The following NME7 variants were observed in gnomAD, a reference collection of about 807,000 sequenced individuals.
NME7 encodes the protein NME/NM23 family member 7, also known as nucleoside diphosphate kinase 7.
A neutral mutation model predicts 49.1 loss-of-function variants in NME7; 41 were observed. The observed-to-expected ratio is 0.83, with a 90% confidence interval of 0.65 to 1.08. The LOEUF is 1.08. NME7 is among the 50% of genes least tolerant of loss of function. NME7 has a pLI of 0.00. For synonymous variants in NME7, 139 were observed against 150.6 expected, an observed-to-expected ratio of 0.92 and a Z score of 0.56; for missense variants, 423 against 463.4, an observed-to-expected ratio of 0.91 and a Z score of 0.80.
At chr1:169,175,246 T>G (rs1659718984) in intron 10 of NME7, among the ~76,000 whole-genome samples, 1 of 152,100 alleles carries the variant, frequency 6.6e-6, no homozygotes, top group Admixed American at 6.5e-5. Context: ...CTTGTCCCAC[T>G]GGAAGGTCTT....
chr1:169,140,327 T>C (rs191369501), intron 11 of NME7, among the ~76,000 whole-genome samples: 1 of 152,276 alleles, frequency 6.6e-6, no homozygotes, highest in East Asian at 1.9e-4. Flanking sequence ...GTTGGAAGAA[T>C]TGAGTTTTAT....
intron 7 of NME7, among the ~76,000 whole-genome samples, chr1:169,276,300 G>T (rs1203860610): frequency 7.5e-6 from 1 of 133,552 alleles, no homozygotes; most frequent in African/African-American, 2.5e-5. Context: ...CAATTCGGCT[G>T]TGAATCCATC....
intron 11 of NME7, among the ~76,000 whole-genome samples, chr1:169,151,159 AG>A (rs1658903110): frequency 3.6e-5 from 2 of 56,296 alleles, no homozygotes; most frequent in East Asian, 5.6e-3. Flanking sequence ...GAGGGGGCCC[AG>A]GCTGATGCCA....
rs540219040 is a variant in NME7, at chr1:169,190,852, G to A, written c.991-21298C>T. The A allele has an allele frequency of 2.3e-3, 211 of 92,054 alleles. 16 individuals carry two copies. Among genetic ancestry groups the A allele is most frequent in the African/African-American group, 0.013 (206 of 15,764 alleles). 5.7% of individuals were successfully genotyped at this position (92,054 alleles called of 1,614,324 possible). On this transcript the variant is annotated intron_variant, in intron 10 of 11. Coordinates refer to ENST00000367811, the MANE Select transcript of NME7 (RefSeq NM_013330.5). ...TTTTGAGACGGAGTCTCGCTCTGTCGCCCAGGCTGGAGTGCAGTGGCGGGA... is the reference window on the plus strand; with the variant it reads ...TTTTGAGACGGAGTCTCGCTCTGTCACCCAGGCTGGAGTGCAGTGGCGGGA...
chr1:169,356,329 G>C (rs1407484212), intron 1 of NME7, among the ~76,000 whole-genome samples: 1 of 152,136 alleles, frequency 6.6e-6, no homozygotes, highest in Non-Finnish European at 1.5e-5. Flanking sequence ...AGTGAAAAAA[G>C]AAGGTGAAGC....
chr1:169,206,754 ACT>A lies in NME7; in HGVS notation c.990+23962_990+23963del, dbSNP rs537108360. Among the ~76,000 whole-genome samples, 1,253 of 126,498 alleles carry A rather than the reference ACT, an allele frequency of 9.9e-3. 28 individuals carry two copies. The highest frequency in any genetic ancestry group is 0.032 in the African/African-American group (1,196 of 37,776). The allele number at this position is 126,498 out of a possible 152,430, so 83.0% of individuals were successfully genotyped here. A position where few individuals can be genotyped will look rare whatever the true frequency, so the allele number is the denominator to read the frequency against. On this transcript the variant is annotated intron_variant, in intron 10 of 11. Coordinates refer to ENST00000367811, the MANE Select transcript of NME7 (RefSeq NM_013330.5). ...TTAAAATGTAGCAGCTGATTTAATA[ACT>A]CTTATAATTTTAAAATAGCAATGAC...
chr1:169,247,005 A>G (rs1257805083), intron 7 of NME7: 1 of 456,200 alleles, frequency 2.2e-6, no homozygotes, highest in South Asian at 1.5e-5. Context: ...GGGACAGCAG[A>G]GAAGACCTAT....
chr1:169,252,698 T>A (rs1648687223), intron 7 of NME7, among the ~76,000 whole-genome samples: 1 of 151,826 alleles, frequency 6.6e-6, no homozygotes, highest in Admixed American at 6.6e-5. Flanking sequence ...GTTTTAGGTC[T>A]AACGTTTAAG....
At chr1:169,155,124 TCA>T (rs1659030004) in intron 11 of NME7, among the ~76,000 whole-genome samples, 1 of 152,144 alleles carries the variant, frequency 6.6e-6, no homozygotes, top group African/African-American at 2.4e-5. Flanking sequence ...ATAGATAAAA[TCA>T]CCACTCGCAG....
At chr1:169,200,102 T>C (rs1660504115) in intron 10 of NME7, among the ~76,000 whole-genome samples, 1 of 150,698 alleles carries the variant, frequency 6.6e-6, no homozygotes. Flanking sequence ...AGTATGACGG[T>C]CCCATTCTTC....
At chr1:169,173,289 T>C (rs1023986773) in intron 10 of NME7, among the ~76,000 whole-genome samples, 3 of 152,200 alleles carry the variant, frequency 2.0e-5, no homozygotes, top group Non-Finnish European at 4.4e-5. Flanking sequence ...CCAAATATTA[T>C]ATTATCTTTA....
intron 1 of NME7, among the ~76,000 whole-genome samples, chr1:169,345,986 T>C (rs1652939849): frequency 6.6e-6 from 1 of 152,154 alleles, no homozygotes; most frequent in South Asian, 2.1e-4. Context: ...TCATTTTCTC[T>C]CAGACCATAG....
intron 7 of NME7, among the ~76,000 whole-genome samples, chr1:169,278,744 G>A (rs1408682942): frequency 2.0e-5 from 3 of 152,174 alleles, no homozygotes; most frequent in Non-Finnish European, 4.4e-5. Flanking sequence ...CGTTCCTTTG[G>A]AGGAGGAGAG....
intron 5 of NME7, chr1:169,302,415 C>G (rs1402016221): frequency 2.6e-5 from 4 of 152,122 alleles, no homozygotes; most frequent in Non-Finnish European, 5.9e-5. Flanking sequence ...CATGGAATAC[C>G]ATGCTGCAAT....
chr1:169,256,015 C>T lies in NME7; in HGVS notation c.755-18328G>A, dbSNP rs1180758212. Among the ~76,000 whole-genome samples the T allele has an allele frequency of 1.5e-5, 2 of 133,142 alleles. 1 individual carries two copies. Among genetic ancestry groups the T allele is most frequent in the African/African-American group, 5.1e-5 (2 of 39,344 alleles). 87.3% of individuals were successfully genotyped at this position (133,142 alleles called of 152,430 possible). A position where few individuals can be genotyped will look rare whatever the true frequency, so the allele number is the denominator to read the frequency against. On this transcript the variant is annotated intron_variant, in intron 7 of 11. Transcript: ENST00000367811. ...CTTAACATTTTTACCTTCATTTCAA[C>T]TTTGGTGAATCTGACCATTATGTGT...
Position 169,339,627 on chromosome 1 carries a change from T to C in NME7, c.4-15127A>G, listed in dbSNP as rs116394002. Among the ~76,000 whole-genome samples the C allele has an allele frequency of 2.0e-3, 304 of 152,318 alleles. 4 individuals are homozygous for C. The highest frequency in any genetic ancestry group is 7.1e-3 in the African/African-American group (294 of 41,582). On this transcript the variant is annotated intron_variant, in intron 1 of 11. Coordinates refer to ENST00000367811, the MANE Select transcript of NME7 (RefSeq NM_013330.5). ...CAAGTCTTGTTATTCCTTTATCCCA[T>C]AGCTATTGTACTACTTGGTCTGAAA... is the stretch of plus-strand genomic sequence containing the variant.
chr1:169,342,441 G>C (rs559723003), intron 1 of NME7, among the ~76,000 whole-genome samples: 3 of 148,762 alleles, frequency 2.0e-5, no homozygotes, highest in South Asian at 4.2e-4. Flanking sequence ...CTTTATAGCA[G>C]TGTGAACATG....
intron 10 of NME7, among the ~76,000 whole-genome samples, chr1:169,218,160 A>T (rs1661025633): frequency 6.6e-6 from 1 of 151,838 alleles, no homozygotes; most frequent in African/African-American, 2.4e-5. Flanking sequence ...TTTCCCTTTT[A>T]TTTCTTATGT....
At chr1:169,253,759 G>A (rs2101851149) in intron 7 of NME7, among the ~76,000 whole-genome samples, 1 of 152,116 alleles carries the variant, frequency 6.6e-6, no homozygotes, top group East Asian at 1.9e-4. Flanking sequence ...TTTATTGAGA[G>A]TTTTTAGCAT....
Sources: allele counts gnomAD v4.1 joint callset (sites outside exome capture counted in the v4.1 genomes callset), GRCh38; gene constraint gnomAD v4.1.1; transcripts MANE v1.5; gene names NCBI Gene and HGNC (gene_info 2026-07-23, HGNC 2026-07-21).